RBL2: variants seen among roughly 807,000 people sequenced by gnomAD.
The protein encoded by RBL2 is RB transcriptional corepressor like 2, also known as retinoblastoma-like protein 2.
A neutral mutation model predicts 126.0 loss-of-function variants in RBL2; 56 were observed. That is an observed-to-expected ratio of 0.44 (90% CI 0.36 to 0.56). The LOEUF is 0.56. Ranked by LOEUF, RBL2 falls within the 20% of genes least tolerant of loss-of-function variation. The probability of loss-of-function intolerance (pLI) is 0.00; values close to 1 mark genes in which losing one functional copy is unlikely to be tolerated. For missense variants in RBL2, 1,229 were observed against 1,398.2 expected (o/e 0.88, Z 1.93); for synonymous variants, 454 against 478.5 (o/e 0.95, Z 0.67).
Position 53,490,176 on chromosome 16 carries a change from C to T in RBL2, c.3296C>T (p.Thr1099Ile). Residue 1099 changes from threonine to isoleucine, a missense_variant, in exon 22 of 22, where the codon ACT becomes ATT. Thr to Ile is a moderately conservative substitution (Grantham distance 89, BLOSUM62 -1). This residue lies in a region of RBL2 where 1,070 missense variants were observed against 1,274.3 expected (regional missense o/e 0.84). Transcript: ENST00000262133. Reference protein sequence around the residue: ...NSMIRTGETPTKKRGILLEDG... With the variant: ...NSMIRTGETPIKKRGILLEDG... ...ATGATACGCACAGGAGAAACTCCTA[C>T]TAAAAAGAGAGGAATTCTTTTGGAA... 1.9e-6 allele frequency: 3 copies of T among 1,611,980 alleles called. No individual in the cohort carries two copies. Among genetic ancestry groups the T allele is most frequent in the Admixed American group, 1.7e-5 (1 of 59,844 alleles).
intron 8 of RBL2, among the ~76,000 whole-genome samples, chr16:53,457,258 C>CTTTTTTTTTTTTTTTTTTTTTTTTTTTTT (rs756763534): frequency 1.2e-4 from 11 of 89,932 alleles, no homozygotes; most frequent in African/African-American, 2.4e-4. Context: ...GTACAGATAG[C>CTTTTTTTTTTTTTTTTTTTTTTTTTTTTT]TTTTTTTTTT....
At chr16:53,471,383 T>G (rs1289573975) in intron 17 of RBL2, among the ~76,000 whole-genome samples, 1 of 152,216 alleles carries the variant, frequency 6.6e-6, no homozygotes, top group Non-Finnish European at 1.5e-5. Flanking sequence ...AGATTTTAGT[T>G]TCTCCACTAT....
Position 53,451,814 on chromosome 16 carries a change from T to TACA in RBL2, c.749_750insACA (p.Val250_Asn251insGln). 1 of 1,613,824 alleles carries TACA rather than the reference T, an allele frequency of 6.2e-7. No individual in the cohort carries two copies. Among genetic ancestry groups the TACA allele is most frequent in the Non-Finnish European group, 8.5e-7 (1 of 1,179,828 alleles). ...CAGTGTTCTAATCGTAAAGAACTTGTGAACCCTAATTTTAAAGGTAGGTTT... is the reference window on the plus strand; with the variant it reads ...CAGTGTTCTAATCGTAAAGAACTTGTACAGAACCCTAATTTTAAAGGTAGGTTT... On this transcript the variant is annotated inframe_insertion, in exon 5 of 22. Coordinates refer to ENST00000262133, the MANE Select transcript of RBL2 (RefSeq NM_005611.4).
chr16:53,436,205 G>A (rs2057957220), intron 1 of RBL2, among the ~76,000 whole-genome samples: 1 of 151,964 alleles, frequency 6.6e-6, no homozygotes, highest in African/African-American at 2.4e-5. Flanking sequence ...GGCCTTAAAG[G>A]CTTCCAAACA....
Position 53,434,662 on chromosome 16 carries a change from C to CCGCCTGCCGAGT in RBL2, c.111_122dup (p.Ala38_Pro41dup). The CCGCCTGCCGAGT allele has an allele frequency of 6.4e-7, 1 of 1,563,360 alleles. No individual in the cohort carries two copies. Among genetic ancestry groups the CCGCCTGCCGAGT allele is most frequent in the Non-Finnish European group, 8.6e-7 (1 of 1,164,288 alleles). ...CGACGGCGAGGCGGAAGACGCCGCGCCGCCTGCCGAGTCGCCCACCCCTCA... is the reference window on the plus strand; with the variant it reads ...CGACGGCGAGGCGGAAGACGCCGCGCCGCCTGCCGAGTCGCCTGCCGAGTCGCCCACCCCTCA... On this transcript the variant is annotated inframe_insertion, in exon 1 of 22. Coordinates refer to ENST00000262133, the MANE Select transcript of RBL2 (RefSeq NM_005611.4).
At chr16:53,440,685 C>CT (rs1044628658) in intron 2 of RBL2, among the ~76,000 whole-genome samples, 23 of 152,246 alleles carry the variant, frequency 1.5e-4, no homozygotes, top group African/African-American at 5.1e-4. Flanking sequence ...TCCCAAGTAG[C>CT]TGGGATTACA....
intron 13 of RBL2, 50 bp downstream of exon 13, chr16:53,465,652 C>CT (rs2058265335): frequency 7.3e-7 from 1 of 1,377,770 alleles, no homozygotes; most frequent in Non-Finnish European, 9.7e-7. Context: ...AATATCTAAT[C>CT]TATTAATAAT....
chr16:53,487,509 T>C, intron 21 of RBL2: 1 of 152,308 alleles, frequency 6.6e-6, no homozygotes, highest in African/African-American at 2.4e-5. Flanking sequence ...ATAGTAAACT[T>C]GTTCCCATAC....
At chr16:53,435,636 C>T (rs895988431) in intron 1 of RBL2, 1 of 1,283,994 alleles carries the variant, frequency 7.8e-7, no homozygotes, top group Non-Finnish European at 1.0e-6. Flanking sequence ...AGCTGTTTGA[C>T]TGTGTGTGTG....
chr16:53,458,452 T>C (rs2058189156), intron 8 of RBL2, among the ~76,000 whole-genome samples: 1 of 152,154 alleles, frequency 6.6e-6, no homozygotes, highest in Non-Finnish European at 1.5e-5. Context: ...CTGTCTACCT[T>C]AGGGGGAGAA....
intron 13 of RBL2, 118 bp downstream of exon 13, chr16:53,465,720 A>G (rs2058266274): frequency 4.9e-6 from 4 of 811,296 alleles, no homozygotes; most frequent in African/African-American, 3.6e-5. Flanking sequence ...ACACCTTGTT[A>G]TGAGAAAAAT....
chr16:53,442,050 GACCTTGTGAATCTCCC>G (rs1181992407), intron 2 of RBL2, among the ~76,000 whole-genome samples: 1 of 152,046 alleles, frequency 6.6e-6, no homozygotes, highest in Non-Finnish European at 1.5e-5. Flanking sequence ...TCAAACTCCT[GACCTTGTGAATCTCCC>G]ACCTCGGCCT....
In RBL2 at chr16:53,480,809, T is replaced by C. The variant is rs2150825392; in HGVS notation, c.3084+40T>C. The stretch of plus-strand genomic sequence containing the variant: ...GATTATTTCATACTTTTTTCACTCA[T>C]GAGTGTTGAGGAATCATTTATGATT... On this transcript the variant is annotated intron_variant, in intron 20 of 21. Transcript: ENST00000262133. 4 of 1,562,138 alleles carry C rather than the reference T, an allele frequency of 2.6e-6. No homozygotes were observed. In the East Asian group the frequency reaches 6.7e-5, roughly 26 times the overall value.
At chr16:53,473,005 C>G (rs891394065) in intron 17 of RBL2, among the ~76,000 whole-genome samples, 1 of 152,044 alleles carries the variant, frequency 6.6e-6, no homozygotes, top group African/African-American at 2.4e-5. Context: ...ATCAATTGAC[C>G]GTTGACAACA....
intron 17 of RBL2, among the ~76,000 whole-genome samples, chr16:53,472,064 G>A (rs996915147): frequency 1.3e-5 from 2 of 152,102 alleles, no homozygotes; most frequent in Non-Finnish European, 2.9e-5. Flanking sequence ...TATTTTCCAG[G>A]TTTACCCATG....
intron 19 of RBL2, 44 bp downstream of exon 19, chr16:53,480,035 T>C: frequency 7.3e-7 from 1 of 1,368,928 alleles, no homozygotes; most frequent in Admixed American, 2.2e-5. Context: ...TTAGGAGCTT[T>C]TCTTACTTTT....
chr16:53,470,897 T>C lies in RBL2; in HGVS notation c.2678T>C (p.Met893Thr), dbSNP rs993008780. 3 of 1,613,208 alleles carry C rather than the reference T, an allele frequency of 1.9e-6. No individual in the cohort carries two copies. The highest frequency in any genetic ancestry group is 1.3e-5 in the African/African-American group (1 of 74,868). The change falls in exon 17 of 22, where the codon ATG (methionine) becomes ACG (threonine). Residue 893 changes from methionine to threonine, a missense_variant. Around this residue, in one of 2 missense-constraint regions of RBL2, gnomAD observed 1,070 missense variants for 1,274.3 expected, o/e 0.84. Transcript: ENST00000262133. ...GACAGACATCTGGACCAGTTATTAA[T>C]GTGTGCCATTTATGTGATGGCAAAG... ...MMDRHLDQLLMCAIYVMAKVT... is the reference protein window; with the variant it reads ...MMDRHLDQLLTCAIYVMAKVT...
Position 53,481,704 on chromosome 16 carries a change from G to A in RBL2, c.3118G>A (p.Val1040Ile), listed in dbSNP as rs758252473. 10 of 1,609,876 alleles carry A rather than the reference G, an allele frequency of 6.2e-6. No individual in the cohort carries two copies. In the South Asian group the frequency reaches 1.1e-4, roughly 18 times the overall value. The change falls in exon 21 of 22, where the codon GTA becomes ATA. Residue 1040 changes from valine to isoleucine, a missense_variant. Coordinates refer to ENST00000262133, the MANE Select transcript of RBL2 (RefSeq NM_005611.4). ...DAPPLSPYPF[V>I]RTGSPRRIQL... ...TCCTCCACTCTCTCCCTATCCATTT[G>A]TAAGAACAGGCTCCCCTCGCCGAAT...
chr16:53,479,264 A>G, intron 18 of RBL2, 39 bp downstream of exon 18: 3 of 1,559,756 alleles, frequency 1.9e-6, no homozygotes, highest in Non-Finnish European at 2.7e-6. Context: ...AATAAAGCTT[A>G]AAGTCTGTGA....
Sources: gnomAD v4.1 joint callset for allele counts (sites outside exome capture counted in the v4.1 genomes callset) on GRCh38, gnomAD v4.1.1 for gene constraint, gnomAD v4.1.1 regional missense constraint, MANE v1.5 for transcripts, NCBI Gene and HGNC (gene_info 2026-07-23, HGNC 2026-07-21) for gene names.